The following RCAN2 variants were observed in gnomAD, a reference collection of about 807,000 sequenced individuals.
RCAN2 encodes the protein regulator of calcineurin 2.
Under a neutral mutation model 23.6 loss-of-function variants are expected in RCAN2, and 9 were observed. The observed-to-expected ratio is 0.38, with a 90% CI of 0.23 to 0.67. RCAN2 has a LOEUF of 0.67. Among genes scored for constraint, RCAN2 ranks in the 30% least tolerant of loss-of-function variants. The pLI, the probability that RCAN2 is intolerant of heterozygous loss-of-function variation, is 0.51. For synonymous variants in RCAN2, 109 were observed against 115.7 expected (o/e 0.94, Z 0.37); for missense variants, 273 against 302.3 (o/e 0.90, Z 0.72).
chr6:46,274,814 G>T (rs1000911670), intron 2 of RCAN2, among the ~76,000 whole-genome samples: 4 of 152,160 alleles, frequency 2.6e-5, no homozygotes, highest in African/African-American at 9.7e-5. Context: ...AGTACTTTCT[G>T]AATTTTTCCA....
chr6:46,257,470 T>A (rs1174459123), intron 2 of RCAN2, among the ~76,000 whole-genome samples: 1 of 152,116 alleles, frequency 6.6e-6, no homozygotes, highest in East Asian at 1.9e-4. Context: ...TCCACATGGC[T>A]GGGGAGGTTG....
intron 1 of RCAN2, among the ~76,000 whole-genome samples, chr6:46,476,534 T>C (rs1768717464): frequency 6.6e-6 from 1 of 152,144 alleles, no homozygotes; most frequent in South Asian, 2.1e-4. Flanking sequence ...TTAGATAGAA[T>C]CCTGAAGGTG....
intron 2 of RCAN2, among the ~76,000 whole-genome samples, chr6:46,455,961 A>G (rs1768014807): frequency 6.6e-6 from 1 of 152,128 alleles, no homozygotes; most frequent in African/African-American, 2.4e-5. Context: ...AGTGGCTTTT[A>G]CAACTAAGAA....
intron 2 of RCAN2, among the ~76,000 whole-genome samples, chr6:46,433,185 A>C (rs2150418144): frequency 6.6e-6 from 1 of 152,318 alleles, no homozygotes; most frequent in Middle Eastern, 3.4e-3. Context: ...AAACTGTAGA[A>C]GAGAAAAGAT....
At chr6:46,429,069 T>G (rs1767114471) in intron 2 of RCAN2, among the ~76,000 whole-genome samples, 1 of 152,168 alleles carries the variant, frequency 6.6e-6, no homozygotes, top group Admixed American at 6.5e-5. Context: ...ATTAATCACA[T>G]GTATAATTGT....
chr6:46,263,477 G>A (rs201747158), intron 2 of RCAN2, among the ~76,000 whole-genome samples: 10 of 14,912 alleles, frequency 6.7e-4, no homozygotes, highest in Non-Finnish European at 2.0e-3. Flanking sequence ...GTGTGTGTAT[G>A]TGTGTGTGTG....
intron 2 of RCAN2, among the ~76,000 whole-genome samples, chr6:46,373,510 G>A (rs139200825): frequency 7.4e-4 from 113 of 152,234 alleles, no homozygotes; most frequent in African/African-American, 2.6e-3. Context: ...GCCCACCTAG[G>A]CCTCCTAAAG....
chr6:46,364,226 A>G (rs1351430258), intron 2 of RCAN2, among the ~76,000 whole-genome samples: 1 of 152,188 alleles, frequency 6.6e-6, no homozygotes. Context: ...AGAACTAAAT[A>G]AAGGGGTGGG....
intron 1 of RCAN2, among the ~76,000 whole-genome samples, chr6:46,468,184 C>T (rs1402154443): frequency 6.6e-6 from 1 of 152,200 alleles, no homozygotes; most frequent in African/African-American, 2.4e-5. Flanking sequence ...TTTACTTAAT[C>T]TGTTCTCCCT....
At chr6:46,245,540 G>T (rs1189983345) in intron 4 of RCAN2, among the ~76,000 whole-genome samples, 1 of 152,146 alleles carries the variant, frequency 6.6e-6, no homozygotes, top group Non-Finnish European at 1.5e-5. Flanking sequence ...CGTATACAAG[G>T]ATCAACAGAT....
At chr6:46,329,223 T>C (rs151253171) in intron 2 of RCAN2, among the ~76,000 whole-genome samples, 1,611 of 152,336 alleles carry the variant, frequency 0.011, 35 homozygotes, top group African/African-American at 0.036. Flanking sequence ...TCTTATCATC[T>C]GGATCTCCGC....
At chr6:46,411,112 A>C (rs541189098) in intron 2 of RCAN2, among the ~76,000 whole-genome samples, 4 of 152,386 alleles carry the variant, frequency 2.6e-5, no homozygotes, top group African/African-American at 9.6e-5. Flanking sequence ...GATAGCATAT[A>C]GTATACAGAG....
At chr6:46,373,930 C>T (rs1440115227) in intron 2 of RCAN2, among the ~76,000 whole-genome samples, 1 of 152,180 alleles carries the variant, frequency 6.6e-6, no homozygotes, top group Non-Finnish European at 1.5e-5. Context: ...AATGTTCTAG[C>T]CAACAGATGT....
chr6:46,260,762 C>A lies in RCAN2; in HGVS notation c.226-11866G>T, dbSNP rs181999330. On this transcript the variant is annotated intron_variant, in intron 2 of 4. Transcript: ENST00000371374. ...GTCTCTTGCCTGCACCAGGACACTT[C>A]TAAGTCTCCCAATGGGTCTATGAAA... 5.9e-5 allele frequency among the ~76,000 whole-genome samples: 9 copies of A among 152,260 alleles called. No individual in the cohort carries two copies. In the East Asian group the frequency reaches 1.7e-3, roughly 29 times the overall value.
At chr6:46,225,503 T>C (rs1765632137) in intron 4 of RCAN2, among the ~76,000 whole-genome samples, 1 of 152,354 alleles carries the variant, frequency 6.6e-6, no homozygotes, top group Non-Finnish European at 1.5e-5. Context: ...TATTTCATTG[T>C]GGTTTTGATT....
At chr6:46,248,623 T>C (rs937720205) in intron 3 of RCAN2, 100 bp downstream of exon 3, 2 of 972,542 alleles carry the variant, frequency 2.1e-6, no homozygotes, top group Non-Finnish European at 3.0e-6. Context: ...ATTTATAGAC[T>C]ACCAACCAAT....
chr6:46,250,026 A>G (rs530778909), intron 2 of RCAN2, among the ~76,000 whole-genome samples: 3 of 152,198 alleles, frequency 2.0e-5, no homozygotes, highest in African/African-American at 7.2e-5. Context: ...GACTCAATAC[A>G]CAATTTCAAT....
intron 2 of RCAN2, among the ~76,000 whole-genome samples, chr6:46,420,709 A>AC (rs1334886248): frequency 2.6e-5 from 4 of 151,750 alleles, no homozygotes; most frequent in Non-Finnish European, 5.9e-5. Context: ...AGGCCCGGCT[A>AC]CTTTTTTTTG....
intron 2 of RCAN2, among the ~76,000 whole-genome samples, chr6:46,324,545 C>T (rs1025676562): frequency 6.6e-6 from 1 of 152,142 alleles, no homozygotes; most frequent in African/African-American, 2.4e-5. Flanking sequence ...ACCTTCTGTG[C>T]GTGTATATGT....
Sources: gnomAD v4.1 joint callset for allele counts (sites outside exome capture counted in the v4.1 genomes callset) on GRCh38, gnomAD v4.1.1 for gene constraint, MANE v1.5 for transcripts, NCBI Gene and HGNC (gene_info 2026-07-23, HGNC 2026-07-21) for gene names.